Variants in CSNK2A1 observed in about 807,000 individuals in gnomAD.
The protein encoded by CSNK2A1 is casein kinase II subunit alpha.
A neutral mutation model predicts 62.9 loss-of-function variants in CSNK2A1; 10 were observed. The ratio of observed to expected loss-of-function variants is 0.16; its 90% CI spans 0.10 to 0.27. The LOEUF (loss-of-function observed/expected upper bound fraction) is 0.27, where lower values mean the gene tolerates loss of function less well. Ranked by LOEUF, CSNK2A1 falls within the 10% of genes least tolerant of loss-of-function variation. The pLI is 1.00. For synonymous variants in CSNK2A1, 124 were observed against 167.8 expected (o/e 0.74, Z 2.02); for missense variants, 160 against 492.0 (o/e 0.33, Z 6.38).
At position 483,744 on chromosome 20, in the gene CSNK2A1, CCT is replaced by C. The variant is rs1491306908; in HGVS notation, c.*215_*216del. ...CTGCAGGTAATTTTTCAGGGAATCC[CCT>C]GAGTTATGAAAAGTTCGAGTTAAAA... On this transcript the variant is annotated 3_prime_UTR_variant, in exon 14 of 14. Transcript: ENST00000217244. 3.2e-5 allele frequency: 11 copies of C among 340,098 alleles called. No homozygotes were observed. The South Asian group carries it at 1.0e-3, about 31-fold the overall frequency. The allele number at this position is 340,098 out of a possible 1,614,324, so 21.1% of individuals were successfully genotyped here.
intron 3 of CSNK2A1, chr20:506,082 TAGCC>T (rs2018587258): frequency 6.6e-6 from 1 of 151,912 alleles, no homozygotes; most frequent in South Asian, 2.1e-4. Flanking sequence ...TTCACCGTGT[TAGCC>T]AGGATGGTCT....
At position 482,819 on chromosome 20, in the gene CSNK2A1, T is replaced by C. The variant is rs1365590631; in HGVS notation, c.*1142A>G. 1 of 152,680 alleles carries C rather than the reference T, an allele frequency of 6.5e-6. No homozygotes were observed. The highest frequency in any genetic ancestry group is 2.4e-5 in the African/African-American group (1 of 41,462). 9.5% of individuals were successfully genotyped at this position (152,680 alleles called of 1,614,324 possible). A position where few individuals can be genotyped will look rare whatever the true frequency, so the allele number is the denominator to read the frequency against. On this transcript the variant is annotated 3_prime_UTR_variant, in exon 14 of 14. Coordinates refer to ENST00000217244, the MANE Select transcript of CSNK2A1 (RefSeq NM_177559.3). The stretch of plus-strand genomic sequence containing the variant: ...GTGGCGGGGCTGTAACAAGAGAGTT[T>C]ATAGTTTTCCCACAATTACAGGTCT...
chr20:499,106 A>G lies in CSNK2A1; in HGVS notation c.366+149T>C, dbSNP rs1600382238. The G allele has an allele frequency of 7.8e-6, 4 of 513,034 alleles. No homozygotes were observed. In the South Asian group the frequency reaches 1.5e-4, roughly 19 times the overall value. The allele number at this position is 513,034 out of a possible 1,614,324, so 31.8% of individuals were successfully genotyped here. On this transcript the variant is annotated intron_variant, in intron 6 of 13. Transcript: ENST00000217244. The surrounding 1 kb of genome is among the most constrained non-coding windows in gnomAD (Gnocchi z 4.2). ...GATGCAGAAAGTGGGCACTGCTTAT[A>G]TAGGAGTTCTTCTATCTTAAAATTT...
chr20:490,340 T>C (rs1411243641), intron 9 of CSNK2A1, among the ~76,000 whole-genome samples: 6 of 136,414 alleles, frequency 4.4e-5, no homozygotes, highest in African/African-American at 2.0e-4. Context: ...TTTTTCTTTT[T>C]TTTTTTTTTT....
chr20:513,883 T>A (rs1418330969), intron 2 of CSNK2A1, among the ~76,000 whole-genome samples: 1 of 152,226 alleles, frequency 6.6e-6, no homozygotes, highest in African/African-American at 2.4e-5. Context: ...GTGCTTCACC[T>A]TACTGTCACG....
chr20:515,276 C>A lies in CSNK2A1; in HGVS notation c.-109-6616G>T, dbSNP rs117686523. 5.4e-4 allele frequency among the ~76,000 whole-genome samples: 83 copies of A among 152,300 alleles called. No individual in the cohort carries two copies. The East Asian group carries it at 0.014, about 25-fold the overall frequency. ...GAAGTGGGAGGTGACTCTTGGATTTCTTGCTTGACAGACTGTTGGTGCCAT... is the reference window on the plus strand; with the variant it reads ...GAAGTGGGAGGTGACTCTTGGATTTATTGCTTGACAGACTGTTGGTGCCAT... On this transcript the variant is annotated intron_variant, in intron 2 of 13. Transcript: ENST00000217244.
chr20:508,365 C>A (rs6037828), intron 3 of CSNK2A1, 86 bp downstream of exon 3: 1 of 1,447,976 alleles, frequency 6.9e-7, no homozygotes, highest in South Asian at 1.3e-5. Flanking sequence ...TACAGAGTCA[C>A]GGAGGTTTTC....
At chr20:526,063 ACATATCT>A (rs2019082105) in intron 2 of CSNK2A1, among the ~76,000 whole-genome samples, 1 of 152,088 alleles carries the variant, frequency 6.6e-6, no homozygotes, top group Non-Finnish European at 1.5e-5. Flanking sequence ...AAGAACTTAC[ACATATCT>A]CAATAAATTT....
chr20:492,518 C>T, intron 8 of CSNK2A1, 154 bp from the exon 9 acceptor site: 1 of 671,416 alleles, frequency 1.5e-6, no homozygotes, highest in Non-Finnish European at 2.5e-6. Flanking sequence ...AATAAAACTT[C>T]TTAGCTTGAC....
chr20:533,816 A>G (rs1320325790), intron 1 of CSNK2A1, among the ~76,000 whole-genome samples: 1 of 152,204 alleles, frequency 6.6e-6, no homozygotes, highest in Non-Finnish European at 1.5e-5. Context: ...CAATGAAGGG[A>G]GGTATTAGAA....
intron 3 of CSNK2A1, chr20:506,004 T>A (rs1055972324): frequency 6.6e-6 from 1 of 150,876 alleles, no homozygotes; most frequent in Non-Finnish European, 1.5e-5. Context: ...CCTCCCCTAG[T>A]AGCTGGGACT....
rs769012266 is a variant in CSNK2A1, at chr20:487,585, C to A, written c.825-10G>T. 1 of 1,614,154 alleles carries A rather than the reference C, an allele frequency of 6.2e-7. No homozygotes were observed. The highest frequency in any genetic ancestry group is 8.5e-7 in the Non-Finnish European group (1 of 1,180,038). ...TCGCTTTCGAGAGTGTCTGCAGGAC[C>A]AAAAGAGGGCATGAGAAATGGGCCA... On this transcript the variant is annotated splice_polypyrimidine_tract_variant and intron_variant, in intron 11 of 13. Coordinates refer to ENST00000217244, the MANE Select transcript of CSNK2A1 (RefSeq NM_177559.3).
At chr20:515,496 G>A (rs1327919388) in intron 2 of CSNK2A1, among the ~76,000 whole-genome samples, 1 of 152,140 alleles carries the variant, frequency 6.6e-6, no homozygotes, top group African/African-American at 2.4e-5. Flanking sequence ...AATAAGAACA[G>A]CCTAAGTTCA....
chr20:527,454 T>A lies in CSNK2A1; in HGVS notation c.-110+479A>T, dbSNP rs868791255. On this transcript the variant is annotated intron_variant, in intron 2 of 13. Transcript: ENST00000217244. ...CCCACTCCTCTCCAGGTCTCTGTGC[T>A]TTTATACATTGATTATGCCTTCCAA... Among the ~76,000 whole-genome samples the A allele has an allele frequency of 6.6e-5, 10 of 152,332 alleles. No individual in the cohort carries two copies. In the Middle Eastern group the frequency reaches 0.01, roughly 155 times the overall value.
intron 8 of CSNK2A1, chr20:494,362 T>G (rs551092640): frequency 1.3e-5 from 2 of 152,300 alleles, no homozygotes; most frequent in Admixed American, 1.3e-4. Context: ...ATAGTTGCAT[T>G]CATATATAGG....
chr20:517,768 A>G (rs1033362503), intron 2 of CSNK2A1, among the ~76,000 whole-genome samples: 1 of 152,170 alleles, frequency 6.6e-6, no homozygotes, highest in African/African-American at 2.4e-5. Context: ...GTTATCTTCT[A>G]TAAGAAACAC....
chr20:542,285 T>TG (rs1290681390), intron 1 of CSNK2A1, among the ~76,000 whole-genome samples: 1 of 152,204 alleles, frequency 6.6e-6, no homozygotes, highest in African/African-American at 2.4e-5. Flanking sequence ...ACGGGAAAAC[T>TG]GAGGCTTAGA....
Position 478,765 on chromosome 20 carries a change from CAAA to C in CSNK2A1, c.*5193_*5195del, listed in dbSNP as rs750062577. 1,461 of 174,372 alleles carry C rather than the reference CAAA, an allele frequency of 8.4e-3. No individual in the cohort carries two copies. The highest frequency in any genetic ancestry group is 0.018 in the South Asian group (380 of 21,088). 10.8% of individuals were successfully genotyped at this position (174,372 alleles called of 1,614,324 possible). On this transcript the variant is annotated 3_prime_UTR_variant, in exon 14 of 14. Coordinates refer to ENST00000217244, the MANE Select transcript of CSNK2A1 (RefSeq NM_177559.3). Reference sequence around the variant, plus strand: ...CAACACGGCAAAACTTCATCTCTACCAAAAAAAAAAAAAAAAAAATTAGCCAAG... The same window carrying C: ...CAACACGGCAAAACTTCATCTCTACCAAAAAAAAAAAAAAAATTAGCCAAG...
At position 489,840 on chromosome 20, in the gene CSNK2A1, C is replaced by T. The variant is rs1294631418; in HGVS notation, c.663G>A (p.Met221Ile). The stretch of plus-strand genomic sequence containing the variant: ...CCTTCCGAAAGATCATACTTGCCAG[C>T]ATACAACCCAAACTCCACATATCCA... ...YSLDMWSLGC[M>I]LASMIFRKEP... The change falls in exon 10 of 14, where the codon ATG (methionine) becomes ATA (isoleucine). Residue 221 changes from methionine (M) to isoleucine (I), a missense_variant. Met to Ile is a conservative substitution (Grantham distance 10). This residue lies in a region of CSNK2A1 where 94 missense variants were observed against 357.6 expected (regional missense o/e 0.26). Coordinates refer to ENST00000217244, the MANE Select transcript of CSNK2A1 (RefSeq NM_177559.3). 1 of 1,613,266 alleles carries T rather than the reference C, an allele frequency of 6.2e-7. No homozygotes were observed. Among genetic ancestry groups the T allele is most frequent in the Non-Finnish European group, 8.5e-7 (1 of 1,179,468 alleles).
Sources: allele counts gnomAD v4.1 joint callset (sites outside exome capture counted in the v4.1 genomes callset), GRCh38; gene constraint gnomAD v4.1.1; regional missense constraint gnomAD v4.1.1; non-coding constraint Gnocchi (gnomAD v3.1); transcripts MANE v1.5; gene names NCBI Gene and HGNC (gene_info 2026-07-23, HGNC 2026-07-21).